KDM5A: variants seen among roughly 807,000 people sequenced by gnomAD.
KDM5A encodes the protein lysine demethylase 5A.
KDM5A carries 42 observed loss-of-function variants against 193.5 expected under a neutral mutation model. That is an observed-to-expected ratio of 0.22 (90% confidence interval 0.17 to 0.28). The LOEUF (loss-of-function observed/expected upper bound fraction) is 0.28, where lower values mean the gene tolerates loss of function less well. Among genes scored for constraint, KDM5A ranks in the 10% least tolerant of loss-of-function variants. The probability of loss-of-function intolerance (pLI) is 1.00; values close to 1 mark genes in which losing one functional copy is unlikely to be tolerated. For missense variants in KDM5A, 1,692 were observed against 2,055.1 expected (o/e 0.82, Z 3.42); for synonymous variants, 796 against 718.1 (o/e 1.11, Z -1.73).
intron 14 of KDM5A, 134 bp downstream of exon 14, chr12:328,701 T>C: frequency 1.3e-6 from 1 of 768,266 alleles, no homozygotes; most frequent in Non-Finnish European, 2.1e-6. Flanking sequence ...ATTATAAAAA[T>C]ATAAAATCTT....
At chr12:338,108 G>A (rs967641929) in intron 10 of KDM5A, among the ~76,000 whole-genome samples, 1 of 152,154 alleles carries the variant, frequency 6.6e-6, no homozygotes, top group African/African-American at 2.4e-5. Flanking sequence ...AACACAGCAG[G>A]CCTGAGACTG....
chr12:336,626 A>C (rs899306031), intron 10 of KDM5A, among the ~76,000 whole-genome samples: 3 of 152,150 alleles, frequency 2.0e-5, no homozygotes, highest in Non-Finnish European at 4.4e-5. Flanking sequence ...GGATTACTTG[A>C]GGTCAGGAGT....
intron 24 of KDM5A, among the ~76,000 whole-genome samples, chr12:299,093 G>A (rs1312459188): frequency 6.6e-6 from 1 of 152,018 alleles, no homozygotes. Context: ...CCTGTGTGAT[G>A]GAAGAATGGA....
chr12:328,768 C>T, intron 14 of KDM5A, 67 bp downstream of exon 14: 1 of 1,432,368 alleles, frequency 7.0e-7, no homozygotes, highest in Non-Finnish European at 9.8e-7. Flanking sequence ...GAAAATTCTA[C>T]CTATAGGTTT....
chr12:350,339 G>T, intron 10 of KDM5A, among the ~76,000 whole-genome samples: 1 of 151,278 alleles, frequency 6.6e-6, no homozygotes, highest in East Asian at 1.9e-4. Context: ...GGAAGGCTGA[G>T]GCAAGAGAAT....
Position 285,600 on chromosome 12 carries a change from T to C in KDM5A, c.4929A>G (p.Val1643=). ...DEWFHQVCVG[V]SPEMAENEDY... ...CTTCATTTTCAGCCATTTCTGGAGA[T>C]ACACCCACACAAACTTGATGAAACC... Residue 1643 remains valine (V), a synonymous_variant, in exon 28 of 28, where the codon GTA becomes GTG. Coordinates refer to ENST00000399788, the MANE Select transcript of KDM5A (RefSeq NM_001042603.3). 3 of 1,614,066 alleles carry C rather than the reference T, an allele frequency of 1.9e-6. No individual in the cohort carries two copies. Among genetic ancestry groups the C allele is most frequent in the Non-Finnish European group, 2.5e-6 (3 of 1,179,974 alleles).
chr12:311,591 G>A (rs930597252), intron 20 of KDM5A, among the ~76,000 whole-genome samples: 1 of 152,044 alleles, frequency 6.6e-6, no homozygotes, highest in Admixed American at 6.5e-5. Context: ...TCAGACATTC[G>A]AAGACAACAA....
chr12:289,379 TTTG>T (rs909727203), intron 27 of KDM5A, among the ~76,000 whole-genome samples: 2 of 152,098 alleles, frequency 1.3e-5, no homozygotes, highest in African/African-American at 4.8e-5. Context: ...TTTAAAAAGT[TTTG>T]TTAATATTAA....
chr12:355,273 A>C, intron 6 of KDM5A, 24 bp from the exon 7 acceptor site: 1 of 1,387,724 alleles, frequency 7.2e-7, no homozygotes, highest in South Asian at 1.2e-5. Context: ...GTTACACAAT[A>C]ATAGTAAAAA....
At position 306,971 on chromosome 12, in the gene KDM5A, C is replaced by T. The variant is rs1449032009; in HGVS notation, c.4049G>A (p.Arg1350Gln). The change falls in exon 24 of 28, where the codon CGA becomes CAA. Residue 1350 changes from arginine to glutamine, a missense_variant. Around this residue, in one of 11 missense-constraint regions of KDM5A, gnomAD observed 965 missense variants for 1,061.0 expected, o/e 0.91. Coordinates refer to ENST00000399788, the MANE Select transcript of KDM5A (RefSeq NM_001042603.3). ...DEETDSDEDI[R>Q]ETYGYDMKDT... ...CTTCATGTCGTAGCCATATGTCTCT[C>T]GAATGTCTTCATCAGAGTCTGTTTC... 6 of 1,613,486 alleles carry T rather than the reference C, an allele frequency of 3.7e-6. No homozygotes were observed. The highest frequency in any genetic ancestry group is 2.2e-5 in the East Asian group (1 of 44,856).
At chr12:318,732 G>A (rs544361934) in intron 18 of KDM5A, among the ~76,000 whole-genome samples, 1 of 152,298 alleles carries the variant, frequency 6.6e-6, no homozygotes, top group African/African-American at 2.4e-5. Context: ...TAGGCACACA[G>A]TATTAAAGAA....
chr12:303,169 T>C (rs753820855), intron 24 of KDM5A, among the ~76,000 whole-genome samples: 3 of 152,224 alleles, frequency 2.0e-5, no homozygotes, highest in Non-Finnish European at 4.4e-5. Context: ...ACTGGGTATA[T>C]ACCCAAAGGA....
chr12:291,971 T>C (rs1277958574), intron 27 of KDM5A, among the ~76,000 whole-genome samples: 2 of 151,020 alleles, frequency 1.3e-5, no homozygotes, highest in African/African-American at 4.9e-5. Flanking sequence ...GGAGCCATCC[T>C]GGCTTACTCC....
intron 4 of KDM5A, among the ~76,000 whole-genome samples, chr12:365,718 C>T (rs1479704872): frequency 6.6e-6 from 1 of 152,170 alleles, no homozygotes; most frequent in African/African-American, 2.4e-5. Context: ...AAGTTTCAGT[C>T]ATAAAGGTTT....
chr12:379,320 T>C (rs1944546764), intron 3 of KDM5A, among the ~76,000 whole-genome samples: 1 of 152,210 alleles, frequency 6.6e-6, no homozygotes, highest in Non-Finnish European at 1.5e-5. Context: ...TAAAATGTCA[T>C]GTTAATGAAA....
rs562967794 is a variant in KDM5A, at chr12:305,283, TA to T, written c.4074+1662del. ...TACCATATAATAAGATATTTTAATA[TA>T]AAAAAAGATTATTTGAACAGTCTAA... On this transcript the variant is annotated intron_variant, in intron 24 of 27. Transcript: ENST00000399788. 3.2e-3 allele frequency among the ~76,000 whole-genome samples: 490 copies of T among 152,204 alleles called. 3 individuals are homozygous for T. The highest frequency in any genetic ancestry group is 0.011 in the African/African-American group (464 of 41,550).
At chr12:317,726 C>G (rs552605180) in intron 19 of KDM5A, among the ~76,000 whole-genome samples, 15 of 152,320 alleles carry the variant, frequency 9.8e-5, no homozygotes, top group African/African-American at 3.4e-4. Flanking sequence ...AGCAACGCTA[C>G]CCCATGCGTG....
chr12:348,413 A>G (rs576712689), intron 10 of KDM5A, among the ~76,000 whole-genome samples: 1 of 152,348 alleles, frequency 6.6e-6, no homozygotes, highest in East Asian at 1.9e-4. Context: ...ATTACTGGGT[A>G]TATACCCAAA....
intron 14 of KDM5A, among the ~76,000 whole-genome samples, chr12:328,378 T>C (rs917299539): frequency 3.9e-5 from 6 of 152,250 alleles, no homozygotes; most frequent in Non-Finnish European, 8.8e-5. Flanking sequence ...TTCAATGTGA[T>C]GATGCTTAGC....
Sources: gnomAD v4.1 joint callset for allele counts (sites outside exome capture counted in the v4.1 genomes callset) on GRCh38, gnomAD v4.1.1 for gene constraint, gnomAD v4.1.1 regional missense constraint, MANE v1.5 for transcripts, NCBI Gene and HGNC (gene_info 2026-07-23, HGNC 2026-07-21) for gene names.